Variants in MARCHF1 observed in about 807,000 individuals in gnomAD.
MARCHF1 encodes E3 ubiquitin-protein ligase MARCHF1.
Under a neutral mutation model 54.2 loss-of-function variants are expected in MARCHF1, and 40 were observed. The observed-to-expected ratio is 0.74, with a 90% CI of 0.57 to 0.96. MARCHF1 has a LOEUF of 0.96. Among genes scored for constraint, MARCHF1 ranks in the 40% least tolerant of loss-of-function variants. The pLI is 0.00. For missense variants in MARCHF1, 586 were observed against 656.5 expected, an observed-to-expected ratio of 0.89 and a Z score of 1.17; for synonymous variants, 236 against 236.3, an observed-to-expected ratio of 1.00 and a Z score of 0.01.
chr4:164,083,028 A>G (rs1220988268), intron 2 of MARCHF1, among the ~76,000 whole-genome samples: 1 of 152,232 alleles, frequency 6.6e-6, no homozygotes, highest in African/African-American at 2.4e-5. Context: ...TGTTGCTACA[A>G]AATAAATATA....
intron 3 of MARCHF1, among the ~76,000 whole-genome samples, chr4:163,876,190 A>G (rs1488122665): frequency 1.3e-5 from 2 of 152,166 alleles, no homozygotes; most frequent in Non-Finnish European, 2.9e-5. Flanking sequence ...TTTATTTTCA[A>G]TAGCCAGCTC....
At chr4:163,816,521 AT>A (rs1027831036) in intron 4 of MARCHF1, among the ~76,000 whole-genome samples, 23 of 151,932 alleles carry the variant, frequency 1.5e-4, no homozygotes, top group Non-Finnish European at 2.9e-5. Flanking sequence ...TAGGAATACT[AT>A]TTTATAATTA....
chr4:164,168,413 C>A (rs1229656070), intron 1 of MARCHF1, among the ~76,000 whole-genome samples: 1 of 151,978 alleles, frequency 6.6e-6, no homozygotes, highest in African/African-American at 2.4e-5. Context: ...AAAGGAGATG[C>A]AATCACCACC....
chr4:164,034,927 C>T (rs959467220), intron 2 of MARCHF1, among the ~76,000 whole-genome samples: 1 of 152,082 alleles, frequency 6.6e-6, no homozygotes, highest in African/African-American at 2.4e-5. Context: ...TGGGATTCCC[C>T]TACAGGTCTC....
At chr4:164,039,442 A>C (rs1454611779) in intron 2 of MARCHF1, among the ~76,000 whole-genome samples, 2 of 152,180 alleles carry the variant, frequency 1.3e-5, no homozygotes, top group African/African-American at 4.8e-5. Context: ...AGATGTCCTT[A>C]ATTCAAGGAA....
intron 4 of MARCHF1, among the ~76,000 whole-genome samples, chr4:163,761,541 T>G (rs7682464): frequency 0.07 from 10,648 of 152,220 alleles, 630 homozygotes; most frequent in African/African-American, 0.16. Context: ...AGGTCTGGAT[T>G]AAGCCTCACT....
chr4:163,599,911 T>C (rs1423499907), intron 7 of MARCHF1, among the ~76,000 whole-genome samples: 1 of 152,190 alleles, frequency 6.6e-6, no homozygotes, highest in Non-Finnish European at 1.5e-5. Context: ...AAATTTGAGG[T>C]CATTCCAAGA....
At chr4:164,376,558 G>T (rs1172468803) in intron 1 of MARCHF1, among the ~76,000 whole-genome samples, 1 of 152,152 alleles carries the variant, frequency 6.6e-6, no homozygotes, top group Non-Finnish European at 1.5e-5. Flanking sequence ...TAATACAGGT[G>T]CATGCAGTTG....
chr4:164,067,400 AC>A (rs1297831113), intron 2 of MARCHF1, among the ~76,000 whole-genome samples: 1 of 152,196 alleles, frequency 6.6e-6, no homozygotes, highest in Non-Finnish European at 1.5e-5. Context: ...GACCAATGGA[AC>A]AGAATAGAAA....
intron 5 of MARCHF1, among the ~76,000 whole-genome samples, chr4:163,627,840 G>GTT (rs34222443): frequency 0.01 from 1,511 of 149,716 alleles, 13 homozygotes; most frequent in Middle Eastern, 0.024. Flanking sequence ...AAAGGAATAT[G>GTT]TTTTTTTTTT....
At chr4:163,609,101 A>G (rs1176545295) in intron 7 of MARCHF1, among the ~76,000 whole-genome samples, 1 of 152,078 alleles carries the variant, frequency 6.6e-6, no homozygotes, top group African/African-American at 2.4e-5. Context: ...AAAAATGCAC[A>G]CATGCCGTTG....
chr4:164,324,461 AAAG>A (rs931045120), intron 1 of MARCHF1, among the ~76,000 whole-genome samples: 2 of 151,612 alleles, frequency 1.3e-5, no homozygotes, highest in African/African-American at 4.8e-5. Context: ...AAATCACGAA[AAAG>A]AATATATAAA....
intron 9 of MARCHF1, chr4:163,529,821 T>C (rs1280814919): frequency 6.6e-6 from 1 of 152,056 alleles, no homozygotes; most frequent in African/African-American, 2.4e-5. Context: ...CAATACATAA[T>C]TATGAATGTT....
rs187159030 is a variant in MARCHF1 at position 163,622,665 on chromosome 4, C to G, written c.163-9272G>C. On this transcript the variant is annotated intron_variant, in intron 5 of 9. Coordinates refer to ENST00000514618, the MANE Select transcript of MARCHF1 (RefSeq NM_001394959.1). Reference sequence around the variant, plus strand: ...ATATTTAGTTGTAGGAGAAAGTTATCTCGATGCCGAGTTTATAATTTTAAA... The same window carrying G: ...ATATTTAGTTGTAGGAGAAAGTTATGTCGATGCCGAGTTTATAATTTTAAA... Among the ~76,000 whole-genome samples the G allele has an allele frequency of 3.0e-4, 45 of 152,230 alleles. No individual in the cohort carries two copies. In the East Asian group the frequency reaches 6.2e-3, roughly 21 times the overall value.
At chr4:164,139,919 T>C (rs1298649043) in intron 1 of MARCHF1, among the ~76,000 whole-genome samples, 1 of 152,164 alleles carries the variant, frequency 6.6e-6, no homozygotes, top group East Asian at 1.9e-4. Context: ...TTCAAATTTC[T>C]GGGAATTGAT....
At chr4:163,860,918 C>CA (rs1749913711) in intron 3 of MARCHF1, among the ~76,000 whole-genome samples, 1 of 151,936 alleles carries the variant, frequency 6.6e-6, no homozygotes, top group South Asian at 2.1e-4. Flanking sequence ...TCTACAACAA[C>CA]AAAAAATTAC....
At chr4:163,892,689 G>C (rs1459571254) in intron 3 of MARCHF1, among the ~76,000 whole-genome samples, 3 of 151,912 alleles carry the variant, frequency 2.0e-5, no homozygotes, top group Non-Finnish European at 4.4e-5. Flanking sequence ...ATCAATTTAT[G>C]TATTTATGTT....
chr4:164,109,842 A>G (rs968489806), intron 2 of MARCHF1, among the ~76,000 whole-genome samples: 5 of 150,104 alleles, frequency 3.3e-5, no homozygotes, highest in Admixed American at 2.0e-4. Flanking sequence ...GATCTGTACA[A>G]CAAACCCCCG....
chr4:164,019,834 C>T (rs1176363249), intron 2 of MARCHF1, among the ~76,000 whole-genome samples: 1 of 152,190 alleles, frequency 6.6e-6, no homozygotes, highest in Non-Finnish European at 1.5e-5. Flanking sequence ...TGGCTGAAGA[C>T]AAAGCCTGAG....
Sources: allele counts gnomAD v4.1 joint callset (sites outside exome capture counted in the v4.1 genomes callset), GRCh38; gene constraint gnomAD v4.1.1; transcripts MANE v1.5; gene names NCBI Gene and HGNC (gene_info 2026-07-23, HGNC 2026-07-21).